RANBP2: variants seen among roughly 807,000 people sequenced by gnomAD.
RANBP2 encodes the protein RAN binding protein 2, also known as E3 SUMO-protein ligase RanBP2.
In RANBP2, 57 loss-of-function variants were observed where a neutral mutation model predicts 303.6. That is an observed-to-expected ratio of 0.19 (90% CI 0.15 to 0.23). RANBP2 has a LOEUF of 0.23. RANBP2 is among the 10% of genes least tolerant of loss of function. RANBP2 has a pLI of 1.00. For synonymous variants in RANBP2, 1,167 were observed against 1,301.5 expected (o/e 0.90, Z 2.23); for missense variants, 3,138 against 3,780.8 (o/e 0.83, Z 4.46).
At chr2:109,185,143 C>G in the RANBP2 span, among the ~76,000 whole-genome samples, 2 of 152,150 alleles carry the variant, frequency 1.3e-5, no homozygotes, top group Non-Finnish European at 2.9e-5. Flanking sequence ...GTTTGGATTG[C>G]ATCTGAGATA....
the RANBP2 span, among the ~76,000 whole-genome samples, chr2:109,165,386 G>A: frequency 2.6e-5 from 4 of 152,266 alleles, no homozygotes; most frequent in African/African-American, 7.2e-5. Flanking sequence ...TTGACAGGGT[G>A]GTTGGAGAAA....
At chr2:109,500,458 GTC>G in the RANBP2 span, among the ~76,000 whole-genome samples, 1 of 152,158 alleles carries the variant, frequency 6.6e-6, no homozygotes, top group Non-Finnish European at 1.5e-5. Flanking sequence ...GAAGGCTCCT[GTC>G]TCTGATTCCA....
At chr2:109,717,186 G>A in the RANBP2 span, among the ~76,000 whole-genome samples, 1 of 150,420 alleles carries the variant, frequency 6.6e-6, no homozygotes, top group African/African-American at 2.4e-5. Flanking sequence ...CAGCAAGGCT[G>A]CAGGATAGAA....
the RANBP2 span, among the ~76,000 whole-genome samples, chr2:109,312,022 CTT>C: frequency 1.5e-5 from 2 of 135,590 alleles, no homozygotes; most frequent in Non-Finnish European, 3.1e-5. Context: ...TTTGAACTGA[CTT>C]GAGCGTTGTG....
At chr2:108,953,046 A>C in the RANBP2 span, among the ~76,000 whole-genome samples, 1 of 152,026 alleles carries the variant, frequency 6.6e-6, no homozygotes, top group Non-Finnish European at 1.5e-5. Flanking sequence ...GGTACATGAG[A>C]TATTTTGATA....
chr2:109,130,992 G>C, the RANBP2 span, among the ~76,000 whole-genome samples: 1 of 152,134 alleles, frequency 6.6e-6, no homozygotes, highest in Non-Finnish European at 1.5e-5. Flanking sequence ...TCTTTAAATG[G>C]AGAAAAGCAC....
At chr2:109,714,384 C>T in the RANBP2 span, among the ~76,000 whole-genome samples, 1 of 152,140 alleles carries the variant, frequency 6.6e-6, no homozygotes, top group Non-Finnish European at 1.5e-5. Flanking sequence ...TCACTGCAAC[C>T]TCTTCCTCCC....
the RANBP2 span, chr2:109,737,130 C>T: frequency 5.0e-5 from 56 of 1,109,524 alleles, no homozygotes; most frequent in South Asian, 6.1e-4. Flanking sequence ...TCCAGACAAA[C>T]GAAATTTAAT....
chr2:108,892,324 T>C, the RANBP2 span, among the ~76,000 whole-genome samples: 1 of 152,174 alleles, frequency 6.6e-6, no homozygotes. Flanking sequence ...CAGTGGCAAC[T>C]TACACCCTTT....
chr2:109,256,129 C>G, the RANBP2 span, among the ~76,000 whole-genome samples: 1 of 152,142 alleles, frequency 6.6e-6, no homozygotes, highest in Non-Finnish European at 1.5e-5. Flanking sequence ...GAGGCCAGGC[C>G]CGTGCTTCTG....
chr2:109,080,390 G>T, the RANBP2 span, among the ~76,000 whole-genome samples: 1 of 152,262 alleles, frequency 6.6e-6, no homozygotes, highest in Non-Finnish European at 1.5e-5. Context: ...TGCTGGAGGT[G>T]ATGTGGAGCT....
At chr2:109,456,523 G>GGGGC in the RANBP2 span, among the ~76,000 whole-genome samples, 1 of 152,222 alleles carries the variant, frequency 6.6e-6, no homozygotes. Context: ...GGCCCTCAGT[G>GGGGC]GGGCAGGGCA....
the RANBP2 span, among the ~76,000 whole-genome samples, chr2:109,259,116 C>T: frequency 1.3e-5 from 2 of 152,244 alleles, no homozygotes; most frequent in East Asian, 3.8e-4. Context: ...ACTGCCAGAT[C>T]ACATGTAATA....
chr2:109,218,080 T>G, the RANBP2 span, among the ~76,000 whole-genome samples: 2 of 151,962 alleles, frequency 1.3e-5, no homozygotes, highest in Middle Eastern at 3.2e-3. Flanking sequence ...TGTGTTGTGG[T>G]AAGAGTAGTC....
chr2:109,610,268 T>G, the RANBP2 span, among the ~76,000 whole-genome samples: 1 of 152,114 alleles, frequency 6.6e-6, no homozygotes, highest in Non-Finnish European at 1.5e-5. Context: ...TCCTGTATTT[T>G]TAGCAGAGAT....
the RANBP2 span, among the ~76,000 whole-genome samples, chr2:109,729,613 A>G: frequency 1.3e-5 from 2 of 152,058 alleles, no homozygotes. Context: ...TCACGCCACT[A>G]CACTTCATCC....
At chr2:108,792,427 G>C in the RANBP2 span, among the ~76,000 whole-genome samples, 3 of 152,170 alleles carry the variant, frequency 2.0e-5, no homozygotes, top group South Asian at 2.1e-4. Context: ...GAAAACATGG[G>C]ATAAGGTATA....
the RANBP2 span, among the ~76,000 whole-genome samples, chr2:109,336,925 T>G: frequency 1.3e-5 from 2 of 152,220 alleles, no homozygotes; most frequent in African/African-American, 4.8e-5. Flanking sequence ...TCTGCATCCC[T>G]GACAGCCAGA....
At chr2:108,783,007 C>T in intron 28 of RANBP2, 145 bp downstream of exon 28, 1 of 745,784 alleles carries the variant, frequency 1.3e-6, no homozygotes, top group Non-Finnish European at 2.2e-6. Context: ...CACATGGCAT[C>T]ACTACCCATT....
Sources: allele counts gnomAD v4.1 joint callset (sites outside exome capture counted in the v4.1 genomes callset), GRCh38; gene constraint gnomAD v4.1.1; transcripts MANE v1.5; gene names NCBI Gene and HGNC (gene_info 2026-07-23, HGNC 2026-07-21).